ATP11B: variants seen among roughly 807,000 people sequenced by gnomAD.
The protein encoded by ATP11B is phospholipid-transporting ATPase IF.
ATP11B carries 81 observed loss-of-function variants against 157.8 expected under a neutral mutation model. The observed-to-expected ratio is 0.51, with a 90% CI of 0.43 to 0.62. The LOEUF (loss-of-function observed/expected upper bound fraction) is 0.62, where lower values mean the gene tolerates loss of function less well. Ranked by LOEUF, ATP11B falls within the 20% of genes least tolerant of loss-of-function variation. The probability of loss-of-function intolerance (pLI) is 0.00; values close to 1 mark genes in which losing one functional copy is unlikely to be tolerated. For missense variants in ATP11B, 1,165 were observed against 1,402.2 expected, an observed-to-expected ratio of 0.83 and a Z score of 2.70; for synonymous variants, 451 against 469.4, an observed-to-expected ratio of 0.96 and a Z score of 0.51.
intron 21 of ATP11B, among the ~76,000 whole-genome samples, chr3:182,884,295 T>C (rs1174402221): frequency 2.0e-5 from 3 of 152,160 alleles, no homozygotes; most frequent in Non-Finnish European, 4.4e-5. Flanking sequence ...AAGTGCACTT[T>C]GACTTATTCA....
chr3:182,871,774 G>T (rs992566866), intron 17 of ATP11B, among the ~76,000 whole-genome samples: 1 of 151,904 alleles, frequency 6.6e-6, no homozygotes, highest in Non-Finnish European at 1.5e-5. Flanking sequence ...ATCTATTCTA[G>T]GCTCTAATAT....
intron 2 of ATP11B, among the ~76,000 whole-genome samples, chr3:182,820,591 C>T (rs1319701464): frequency 6.6e-6 from 1 of 152,066 alleles, no homozygotes; most frequent in East Asian, 1.9e-4. Flanking sequence ...CTGGCTTCAG[C>T]CTGGGAAGTC....
At chr3:182,800,576 A>C (rs1193800393) in intron 1 of ATP11B, among the ~76,000 whole-genome samples, 1 of 152,072 alleles carries the variant, frequency 6.6e-6, no homozygotes, top group African/African-American at 2.4e-5. Context: ...TGCATTCAGT[A>C]AACATTCACC....
At chr3:182,905,869 C>T (rs1309503807) in intron 28 of ATP11B, 1 of 456,584 alleles carries the variant, frequency 2.2e-6, no homozygotes, top group Admixed American at 2.3e-5. Flanking sequence ...GGACAGTAGG[C>T]ACCTGCTAGC....
chr3:182,888,239 G>A (rs1722930684), intron 24 of ATP11B, among the ~76,000 whole-genome samples: 1 of 152,134 alleles, frequency 6.6e-6, no homozygotes, highest in South Asian at 2.1e-4. Flanking sequence ...GATAGCTATT[G>A]AAGTACCACT....
chr3:182,874,454 A>T (rs949679463), intron 19 of ATP11B, among the ~76,000 whole-genome samples: 1 of 152,204 alleles, frequency 6.6e-6, no homozygotes, highest in Non-Finnish European at 1.5e-5. Context: ...TTTTATTAGT[A>T]TATGGCCATC....
intron 1 of ATP11B, among the ~76,000 whole-genome samples, chr3:182,805,540 C>T (rs551615460): frequency 3.3e-5 from 5 of 151,750 alleles, no homozygotes; most frequent in African/African-American, 4.8e-5. Flanking sequence ...TGGCAACCTC[C>T]GCCTCCCAGA....
At chr3:182,797,731 A>T (rs1715717075) in intron 1 of ATP11B, among the ~76,000 whole-genome samples, 1 of 145,924 alleles carries the variant, frequency 6.9e-6, no homozygotes, top group Admixed American at 6.8e-5. Flanking sequence ...GAAAAAAGAA[A>T]AAAGAACTCT....
chr3:182,898,555 A>G, intron 27 of ATP11B, 52 bp from the exon 28 acceptor site: 1 of 1,497,200 alleles, frequency 6.7e-7, no homozygotes, highest in Non-Finnish European at 9.0e-7. Context: ...TGATGTCCTG[A>G]TTTAAGTCTT....
At chr3:182,861,959 T>C (rs1185146737) in intron 12 of ATP11B, among the ~76,000 whole-genome samples, 1 of 95,878 alleles carries the variant, frequency 1.0e-5, no homozygotes, top group South Asian at 3.5e-4. Flanking sequence ...AAAAAAAAAA[T>C]GAAAGGCTGG....
intron 1 of ATP11B, among the ~76,000 whole-genome samples, chr3:182,800,087 A>T (rs1379511094): frequency 6.6e-6 from 1 of 152,142 alleles, no homozygotes; most frequent in Non-Finnish European, 1.5e-5. Context: ...TCCAGCCTGG[A>T]TGACAGAGTA....
chr3:182,872,374 T>C lies in ATP11B; in HGVS notation c.1885T>C (p.Cys629Arg). 6.2e-7 allele frequency: 1 copy of C among 1,608,824 alleles called. No homozygotes were observed. The part of the protein sequence containing the change: ...EFALKGLRTL[C>R]IAYRKFTSKE... Reference sequence around the variant, plus strand: ...GTTTTAGAAAGGGCTAAGAACTCTGTGTATAGCATATAGAAAATTTACATC... The same window carrying C: ...GTTTTAGAAAGGGCTAAGAACTCTGCGTATAGCATATAGAAAATTTACATC... The change falls in exon 18 of 30, where the codon TGT becomes CGT. Residue 629 changes from cysteine (C) to arginine (R), a missense_variant. Cys to Arg is a radical substitution (Grantham distance 180, BLOSUM62 -3). Transcript: ENST00000323116.
chr3:182,812,870 GC>G (rs1448024756), intron 1 of ATP11B, among the ~76,000 whole-genome samples: 2 of 152,006 alleles, frequency 1.3e-5, no homozygotes, highest in African/African-American at 4.8e-5. Flanking sequence ...TCATAAACTT[GC>G]CATTCCCTTC....
At chr3:182,827,392 T>C (rs62294794) in intron 2 of ATP11B, among the ~76,000 whole-genome samples, 55 of 152,246 alleles carry the variant, frequency 3.6e-4, no homozygotes, top group South Asian at 2.5e-3. Context: ...TAAGATATGA[T>C]TAATATTATC....
chr3:182,857,104 G>C (rs1193674392), intron 10 of ATP11B, among the ~76,000 whole-genome samples: 1 of 152,160 alleles, frequency 6.6e-6, no homozygotes, highest in African/African-American at 2.4e-5. Flanking sequence ...ATCTTTGTCA[G>C]TTAAAAAGTA....
chr3:182,845,607 TGG>T, intron 9 of ATP11B, 85 bp downstream of exon 9: 1 of 816,058 alleles, frequency 1.2e-6, no homozygotes, highest in South Asian at 2.4e-5. Flanking sequence ...TGTGGTCTTT[TGG>T]TTAGATAATT....
At chr3:182,845,578 A>G in intron 9 of ATP11B, 56 bp downstream of exon 9, 1 of 1,154,574 alleles carries the variant, frequency 8.7e-7, no homozygotes, top group Non-Finnish European at 1.2e-6. Flanking sequence ...CTTTATATGA[A>G]GTACTTTTAA....
intron 1 of ATP11B, among the ~76,000 whole-genome samples, chr3:182,814,713 T>G (rs1177934407): frequency 6.6e-6 from 1 of 151,968 alleles, no homozygotes; most frequent in East Asian, 1.9e-4. Flanking sequence ...GAGGCTGAAA[T>G]GAGAGGATCG....
intron 10 of ATP11B, among the ~76,000 whole-genome samples, chr3:182,849,877 T>A (rs1448587559): frequency 6.6e-6 from 1 of 152,034 alleles, no homozygotes; most frequent in Non-Finnish European, 1.5e-5. Flanking sequence ...GGAAGAAACT[T>A]CAGCCTACGC....
Sources: allele counts gnomAD v4.1 joint callset (sites outside exome capture counted in the v4.1 genomes callset), GRCh38; gene constraint gnomAD v4.1.1; transcripts MANE v1.5; gene names NCBI Gene and HGNC (gene_info 2026-07-23, HGNC 2026-07-21).